Variants in NCOA7 observed in about 807,000 individuals in gnomAD.
NCOA7 encodes 140 kDa estrogen receptor-associated protein.
A neutral mutation model predicts 104.3 loss-of-function variants in NCOA7; 45 were observed. That is an observed-to-expected ratio of 0.43 (90% CI 0.34 to 0.55). The LOEUF is 0.55. NCOA7 is among the 20% of genes least tolerant of loss of function. The pLI is 0.02. For missense variants in NCOA7, 1,041 were observed against 1,119.7 expected, an observed-to-expected ratio of 0.93 and a Z score of 1.00; for synonymous variants, 398 against 402.3, an observed-to-expected ratio of 0.99 and a Z score of 0.13.
intron 11 of NCOA7, among the ~76,000 whole-genome samples, chr6:125,917,788 C>T (rs1040002049): frequency 1.3e-5 from 2 of 152,136 alleles, no homozygotes; most frequent in African/African-American, 4.8e-5. Flanking sequence ...ATGAGACAAA[C>T]GGTTACTTTC....
At chr6:125,800,770 TA>T (rs1775811216) in intron 1 of NCOA7, among the ~76,000 whole-genome samples, 1 of 152,244 alleles carries the variant, frequency 6.6e-6, no homozygotes, top group Non-Finnish European at 1.5e-5. Flanking sequence ...CTCACGCCTG[TA>T]ATTCCAACAT....
At chr6:125,881,017 T>C (rs1783780666) in intron 5 of NCOA7, 73 bp from the exon 6 acceptor site, 2 of 975,614 alleles carry the variant, frequency 2.0e-6, no homozygotes, top group African/African-American at 1.6e-5. Context: ...GTGTAGAGAA[T>C]AACTTCTCCA....
chr6:125,894,958 A>G (rs1784891045), intron 10 of NCOA7, among the ~76,000 whole-genome samples: 1 of 152,152 alleles, frequency 6.6e-6, no homozygotes, highest in Non-Finnish European at 1.5e-5. Flanking sequence ...AACCTTATGA[A>G]AAGTGATTGA....
chr6:125,875,585 G>C (rs1405986243), intron 4 of NCOA7: 2 of 152,124 alleles, frequency 1.3e-5, no homozygotes, highest in Non-Finnish European at 2.9e-5. Context: ...CTTAATTCTT[G>C]ACATCTTCAT....
At chr6:125,829,765 G>C (rs1459218311) in intron 2 of NCOA7, among the ~76,000 whole-genome samples, 1 of 132,314 alleles carries the variant, frequency 7.6e-6, no homozygotes, top group Admixed American at 7.7e-5. Context: ...GAGTATAGAA[G>C]CACCAGGTAA....
intron 13 of NCOA7, among the ~76,000 whole-genome samples, chr6:125,925,243 G>C (rs191041821): frequency 2.0e-5 from 3 of 152,224 alleles, no homozygotes; most frequent in Non-Finnish European, 4.4e-5. Context: ...ACTTGGGGAA[G>C]TTCAAGCCAA....
At chr6:125,811,809 C>T (rs1202787830) in intron 1 of NCOA7, among the ~76,000 whole-genome samples, 1 of 152,200 alleles carries the variant, frequency 6.6e-6, no homozygotes, top group Non-Finnish European at 1.5e-5. Context: ...CGTTGGAGGT[C>T]CTCAATGACC....
upstream of NCOA7, chr6:125,790,899 GCCT>G (rs1006943637): frequency 1.3e-5 from 2 of 152,682 alleles, no homozygotes; most frequent in South Asian, 2.1e-4. Flanking sequence ...CGGAGCTCCC[GCCT>G]CCTCCTCTTG....
At chr6:125,927,833 G>A (rs1788169600) in intron 14 of NCOA7, 75 bp downstream of exon 14, 1 of 1,205,552 alleles carries the variant, frequency 8.3e-7, no homozygotes. Flanking sequence ...AGGCATTGGG[G>A]CAGCTAGCTG....
intron 1 of NCOA7, among the ~76,000 whole-genome samples, chr6:125,793,836 TAAAG>T (rs1260813661): frequency 6.6e-6 from 1 of 152,194 alleles, no homozygotes; most frequent in African/African-American, 2.4e-5. Flanking sequence ...AGTGAATACA[TAAAG>T]AGTGATTGTT....
intron 10 of NCOA7, among the ~76,000 whole-genome samples, chr6:125,914,597 C>T (rs1274361763): frequency 6.6e-6 from 1 of 152,120 alleles, no homozygotes. Context: ...CTTTAAGAAT[C>T]ATTTGATTAT....
In NCOA7 at chr6:125,855,002, T is replaced by G; in HGVS notation, c.51-18T>G. The G allele has an allele frequency of 6.4e-7, 1 of 1,555,272 alleles. No individual in the cohort carries two copies. ...ATCATCTCTCCAATGTTTTTTCTTT[T>G]TTTTCCCTCTTTCCTAGACTGAAAA... On this transcript the variant is annotated intron_variant, in intron 2 of 15. Coordinates refer to ENST00000392477, the MANE Select transcript of NCOA7 (RefSeq NM_181782.5).
chr6:125,903,769 G>A (rs1443041048), intron 10 of NCOA7, among the ~76,000 whole-genome samples: 5 of 148,748 alleles, frequency 3.4e-5, no homozygotes, highest in Admixed American at 1.4e-4. Context: ...GTAGTGGCAT[G>A]ATCTCAGCTC....
chr6:125,839,444 G>C (rs1306385418), intron 2 of NCOA7, among the ~76,000 whole-genome samples: 3 of 151,076 alleles, frequency 2.0e-5, no homozygotes, highest in Non-Finnish European at 4.4e-5. Context: ...AACTCTATCT[G>C]CTGTCCCCTC....
rs191671973 is a variant in NCOA7 at position 125,902,663 on chromosome 6, C to T, written c.2096+11853C>T. Among the ~76,000 whole-genome samples the T allele has an allele frequency of 2.3e-3, 343 of 152,232 alleles. 3 individuals carry two copies. The highest frequency in any genetic ancestry group is 7.7e-3 in the African/African-American group (319 of 41,528). Reference sequence around the variant, plus strand: ...AAGCATCAACTCTCCAATTTTTCATCAGATTTTCAATCCTTAAGCCCTGGA... The same window carrying T: ...AAGCATCAACTCTCCAATTTTTCATTAGATTTTCAATCCTTAAGCCCTGGA... On this transcript the variant is annotated intron_variant, in intron 10 of 15. Transcript: ENST00000392477.
intron 10 of NCOA7, among the ~76,000 whole-genome samples, chr6:125,891,232 T>C (rs1038477612): frequency 1.3e-5 from 2 of 152,166 alleles, no homozygotes; most frequent in Non-Finnish European, 2.9e-5. Context: ...TTATTGTCCT[T>C]ATGGAGGGAG....
intron 3 of NCOA7, among the ~76,000 whole-genome samples, chr6:125,861,000 A>G (rs1259880048): frequency 6.6e-6 from 1 of 152,240 alleles, no homozygotes; most frequent in Non-Finnish European, 1.5e-5. Context: ...ATAAGAGAGC[A>G]TAGCTCATTT....
intron 2 of NCOA7, among the ~76,000 whole-genome samples, chr6:125,833,610 G>A: frequency 1.4e-5 from 1 of 71,032 alleles, no homozygotes; most frequent in Admixed American, 1.6e-4. Flanking sequence ...GAGGGGGAGG[G>A]ACAGGGGGAG....
intron 2 of NCOA7, among the ~76,000 whole-genome samples, chr6:125,826,841 G>A (rs888566228): frequency 5.3e-5 from 8 of 152,128 alleles, no homozygotes; most frequent in African/African-American, 1.9e-4. Flanking sequence ...AGAGCATGGT[G>A]CCAGCATCTG....
Sources: allele counts gnomAD v4.1 joint callset (sites outside exome capture counted in the v4.1 genomes callset), GRCh38; gene constraint gnomAD v4.1.1; transcripts MANE v1.5; gene names NCBI Gene and HGNC (gene_info 2026-07-23, HGNC 2026-07-21).